The following ZNF462 variants were observed in gnomAD, a reference collection of about 807,000 sequenced individuals.
ZNF462 encodes the protein zinc finger protein 462.
Under a neutral mutation model 201.9 loss-of-function variants are expected in ZNF462, and 10 were observed. The ratio of observed to expected loss-of-function variants is 0.05; its 90% CI spans 0.03 to 0.08. The LOEUF (loss-of-function observed/expected upper bound fraction) is 0.08. ZNF462 is among the 10% of genes least tolerant of loss of function. The probability of loss-of-function intolerance (pLI) is 1.00; values close to 1 mark genes in which losing one functional copy is unlikely to be tolerated. For synonymous variants in ZNF462, 1,227 were observed against 1,193.3 expected (o/e 1.03, Z -0.58); for missense variants, 2,523 against 3,168.3 (o/e 0.80, Z 4.89).
chr9:106,974,194 C>T lies in ZNF462; in HGVS notation c.6753C>T (p.Pro2251=), dbSNP rs1156437494. 1 of 1,614,094 alleles carries T rather than the reference C, an allele frequency of 6.2e-7. No individual in the cohort carries two copies. Among genetic ancestry groups the T allele is most frequent in the East Asian group, 2.2e-5 (1 of 44,876 alleles). The change falls in exon 9 of 13, where the codon CCC becomes CCT. Residue 2251 remains proline (P), a synonymous_variant. Transcript: ENST00000277225. This position sits in a 1 kb window ranked among gnomAD's most constrained non-coding sequence, Gnocchi z 4.0. The part of the protein sequence containing the change: ...AGHSAVPEEG[P]KDLRCPLCLY... ...ACTCAGCAGTTCCCGAGGAGGGCCC[C>T]AAAGATCTTCGCTGTCCTCTCTGCC... is the stretch of plus-strand genomic sequence containing the variant.
chr9:106,943,318 A>G (rs914148565), intron 7 of ZNF462, among the ~76,000 whole-genome samples: 1 of 152,172 alleles, frequency 6.6e-6, no homozygotes, highest in Non-Finnish European at 1.5e-5. Flanking sequence ...ATAATATTTG[A>G]CAAACACTAT....
intron 1 of ZNF462, among the ~76,000 whole-genome samples, chr9:106,899,239 T>TTG (rs1828947189): frequency 1.7e-5 from 1 of 57,502 alleles, no homozygotes; most frequent in Non-Finnish European, 3.8e-5. Context: ...TGTGTGTGTG[T>TTG]GGGGGGGGGG....
rs141348266 is a variant in ZNF462 at position 106,929,166 on chromosome 9, G to A, written c.5254G>A (p.Asp1752Asn). The A allele has an allele frequency of 4.4e-4, 705 of 1,614,102 alleles. No individual in the cohort carries two copies. The highest frequency in any genetic ancestry group is 1.6e-3 in the Middle Eastern group (10 of 6,062). ...KVIIPSPPKDDSPQLSEELRR... is the reference protein window; with the variant it reads ...KVIIPSPPKDNSPQLSEELRR... ...GATCATCCCATCCCCGCCCAAGGACGACTCCCCTCAGCTGAGCGAGGAACT... is the reference window on the plus strand; with the variant it reads ...GATCATCCCATCCCCGCCCAAGGACAACTCCCCTCAGCTGAGCGAGGAACT... The change falls in exon 3 of 13, where the codon GAC becomes AAC. Residue 1752 changes from aspartate (D) to asparagine (N), a missense_variant. Physicochemically the swap from Asp to Asn is conservative, Grantham distance 23. Around this residue, in one of 15 missense-constraint regions of ZNF462, gnomAD observed 207 missense variants for 231.6 expected, o/e 0.89. Coordinates refer to ENST00000277225, the MANE Select transcript of ZNF462 (RefSeq NM_021224.6). This position sits in a 1 kb window ranked among gnomAD's most constrained non-coding sequence, Gnocchi z 8.7.
chr9:106,899,155 A>G (rs1588021429), intron 1 of ZNF462, among the ~76,000 whole-genome samples: 1 of 147,620 alleles, frequency 6.8e-6, no homozygotes. Context: ...ACTCTTACCT[A>G]TAATTTCCCT....
intron 10 of ZNF462, among the ~76,000 whole-genome samples, chr9:106,995,019 C>T (rs533108118): frequency 3.0e-4 from 46 of 152,180 alleles, no homozygotes; most frequent in African/African-American, 1.1e-3. Flanking sequence ...TTTTAAGTAT[C>T]CTGTTCAAAT....
chr9:106,923,661 T>C lies in ZNF462; in HGVS notation c.220+58T>C. The C allele has an allele frequency of 1.3e-6, 2 of 1,555,662 alleles. No homozygotes were observed. Among genetic ancestry groups the C allele is most frequent in the Non-Finnish European group, 1.8e-6 (2 of 1,130,122 alleles). ...TATTTTAATTGCTCTTGTTTCCTTTTAGCCTGTAGCCATGGTTCTTAATAT... is the reference window on the plus strand; with the variant it reads ...TATTTTAATTGCTCTTGTTTCCTTTCAGCCTGTAGCCATGGTTCTTAATAT... On this transcript the variant is annotated intron_variant, in intron 2 of 12. Transcript: ENST00000277225. The surrounding 1 kb of genome is among the most constrained non-coding windows in gnomAD (Gnocchi z 5.6).
upstream of ZNF462, chr9:106,862,958 T>C (rs1827119274): frequency 2.5e-6 from 1 of 395,086 alleles, no homozygotes; most frequent in Non-Finnish European, 4.5e-6. The surrounding 1 kb of genome is among the most constrained non-coding windows in gnomAD (Gnocchi z 4.2). Context: ...TCCTTCTCTC[T>C]TTCTGTCTTG....
At position 106,913,422 on chromosome 9, in the gene ZNF462, C is replaced by T. The variant is rs1421696926; in HGVS notation, c.-30-9932C>T. ...TAGCACAAATCTCATCAGAGCCAGA[C>T]TTATGCCGGGCCCTGGGGATATAAG... is the stretch of plus-strand genomic sequence containing the variant. On this transcript the variant is annotated intron_variant, in intron 1 of 12. Transcript: ENST00000277225. The surrounding 1 kb of genome is among the most constrained non-coding windows in gnomAD (Gnocchi z 4.1). 6.6e-6 allele frequency among the ~76,000 whole-genome samples: 1 copy of T among 152,180 alleles called. No individual in the cohort carries two copies. The highest frequency in any genetic ancestry group is 1.5e-5 in the Non-Finnish European group (1 of 68,034).
chr9:106,967,648 G>C (rs1176379236), intron 7 of ZNF462, among the ~76,000 whole-genome samples: 1 of 152,052 alleles, frequency 6.6e-6, no homozygotes, highest in East Asian at 1.9e-4. Flanking sequence ...TTGCATTTGT[G>C]TATCTTTCTT....
intron 10 of ZNF462, among the ~76,000 whole-genome samples, chr9:106,999,237 A>G (rs527363558): frequency 1.1e-3 from 164 of 152,226 alleles, no homozygotes; most frequent in African/African-American, 3.8e-3. Flanking sequence ...GTTTCTCTCA[A>G]TATGTCATCT....
At chr9:106,961,254 A>C (rs896305053) in intron 7 of ZNF462, among the ~76,000 whole-genome samples, 2 of 152,062 alleles carry the variant, frequency 1.3e-5, no homozygotes, top group African/African-American at 4.8e-5. Flanking sequence ...ATGTGTTTTG[A>C]GTTTTGGCTT....
At position 106,943,348 on chromosome 9, in the gene ZNF462, A is replaced by G. The variant is rs76032936; in HGVS notation, c.6427+4241A>G. On this transcript the variant is annotated intron_variant, in intron 7 of 12. Coordinates refer to ENST00000277225, the MANE Select transcript of ZNF462 (RefSeq NM_021224.6). The stretch of plus-strand genomic sequence containing the variant: ...CACTATTTTTATCAAGACATTTCTC[A>G]TCAAGGAACCACATGTACTTATTGT... 3.3e-3 allele frequency among the ~76,000 whole-genome samples: 509 copies of G among 152,312 alleles called. 2 individuals carry two copies. Among genetic ancestry groups the G allele is most frequent in the African/African-American group, 0.012 (488 of 41,566 alleles).
At chr9:107,002,593 T>A (rs924065621) in intron 10 of ZNF462, among the ~76,000 whole-genome samples, 2 of 152,224 alleles carry the variant, frequency 1.3e-5, no homozygotes, top group Admixed American at 1.3e-4. Context: ...TCCCACATTA[T>A]TCTGACCACA....
chr9:106,872,047 G>C lies in ZNF462; in HGVS notation c.-31+8692G>C. On this transcript the variant is annotated intron_variant, in intron 1 of 12. Transcript: ENST00000277225. This position sits in a 1 kb window ranked among gnomAD's most constrained non-coding sequence, Gnocchi z 4.5. ...CCAGCATTTTAAAATCCAAAATAAG[G>C]CCACTGTGGTCCAGAATGTTTAGCC... Among the ~76,000 whole-genome samples, 1 of 152,136 alleles carries C rather than the reference G, an allele frequency of 6.6e-6. No individual in the cohort carries two copies. Among genetic ancestry groups the C allele is most frequent in the African/African-American group, 2.4e-5 (1 of 41,412 alleles).
intron 1 of ZNF462, among the ~76,000 whole-genome samples, chr9:106,900,601 A>T (rs1442180133): frequency 6.6e-6 from 1 of 152,108 alleles, no homozygotes; most frequent in Non-Finnish European, 1.5e-5. Context: ...GTAAGATGGC[A>T]TTGCATTGTG....
At position 106,925,595 on chromosome 9, in the gene ZNF462, G is replaced by T; in HGVS notation, c.1683G>T (p.Gln561His). The change falls in exon 3 of 13, where the codon CAG becomes CAT. Residue 561 changes from glutamine (Q) to histidine (H), a missense_variant. This residue lies in a region of ZNF462 where 383 missense variants were observed against 453.4 expected (regional missense o/e 0.84). Transcript: ENST00000277225. This position sits in a 1 kb window ranked among gnomAD's most constrained non-coding sequence, Gnocchi z 7.9. ...PPPPSQPQPL[Q>H]QPQPPQLQPP... ...CACCATCACAGCCACAGCCACTGCA[G>T]CAGCCACAGCCACCACAGCTGCAGC... is the stretch of plus-strand genomic sequence containing the variant. The T allele has an allele frequency of 6.2e-7, 1 of 1,612,532 alleles. No individual in the cohort carries two copies. Among genetic ancestry groups the T allele is most frequent in the Non-Finnish European group, 8.5e-7 (1 of 1,179,238 alleles).
At chr9:106,871,108 G>A (rs535405392) in intron 1 of ZNF462, among the ~76,000 whole-genome samples, 1 of 152,254 alleles carries the variant, frequency 6.6e-6, no homozygotes, top group South Asian at 2.1e-4. Flanking sequence ...TTGTTCAGTG[G>A]CACAATGTGG....
intron 7 of ZNF462, among the ~76,000 whole-genome samples, chr9:106,961,606 G>A (rs1831843058): frequency 6.6e-6 from 1 of 151,732 alleles, no homozygotes; most frequent in Non-Finnish European, 1.5e-5. Context: ...ACTAAGTTCT[G>A]GGGTACATCG....
intron 1 of ZNF462, among the ~76,000 whole-genome samples, chr9:106,915,307 T>G (rs956631220): frequency 1.5e-4 from 23 of 152,116 alleles, no homozygotes; most frequent in African/African-American, 5.1e-4. Context: ...TATATGGAAT[T>G]CGAGGCTTGG....
Sources: gnomAD v4.1 joint callset for allele counts (sites outside exome capture counted in the v4.1 genomes callset) on GRCh38, gnomAD v4.1.1 for gene constraint, gnomAD v4.1.1 regional missense constraint, Gnocchi (gnomAD v3.1) non-coding constraint, MANE v1.5 for transcripts, NCBI Gene and HGNC (gene_info 2026-07-23, HGNC 2026-07-21) for gene names.